The following TRIM33 variants were observed in gnomAD, a reference collection of about 807,000 sequenced individuals.
TRIM33 encodes E3 ubiquitin-protein ligase TRIM33.
Under a neutral mutation model 125.4 loss-of-function variants are expected in TRIM33, and 20 were observed. That is an observed-to-expected ratio of 0.16 (90% CI 0.11 to 0.23). The LOEUF is 0.23. Ranked by LOEUF, TRIM33 falls within the 10% of genes least tolerant of loss-of-function variation. TRIM33 has a pLI of 1.00. For synonymous variants in TRIM33, 564 were observed against 513.9 expected (o/e 1.10, Z -1.32); for missense variants, 920 against 1,411.4 (o/e 0.65, Z 5.58).
intron 1 of TRIM33, among the ~76,000 whole-genome samples, chr1:114,490,099 A>AG (rs1651965979): frequency 2.1e-5 from 3 of 143,470 alleles, no homozygotes; most frequent in African/African-American, 7.4e-5. Flanking sequence ...AAAAAAAAAA[A>AG]AAAAAGAAAA....
rs55784699 is a variant in TRIM33, at chr1:114,397,764, G to T, written c.3268C>A (p.Pro1090Thr). The stretch of plus-strand genomic sequence containing the variant: ...TCATCCTCTTCCTGCTCAAACTCTG[G>T]CAAAGGTGCGAAGGTCCTGTCTGAG... ...IYSDRTFAPLPEFEQEEDDGE... is the reference protein window; with the variant it reads ...IYSDRTFAPLTEFEQEEDDGE... Residue 1090 changes from proline to threonine, a missense_variant, in exon 20 of 20, where the codon CCA becomes ACA. Around this residue, in one of 8 missense-constraint regions of TRIM33, gnomAD observed 122 missense variants for 236.8 expected, o/e 0.52. Transcript: ENST00000358465. The T allele has an allele frequency of 2.2e-4, 361 of 1,613,674 alleles. No homozygotes were observed. Among genetic ancestry groups the T allele is most frequent in the Non-Finnish European group, 2.8e-4 (334 of 1,179,888 alleles).
chr1:114,440,349 CAAA>C (rs1171822984), intron 4 of TRIM33, among the ~76,000 whole-genome samples: 1 of 134,618 alleles, frequency 7.4e-6, no homozygotes. Context: ...AATTTTAGAC[CAAA>C]AAAAAAAAAA....
intron 1 of TRIM33, among the ~76,000 whole-genome samples, chr1:114,510,349 G>C (rs935350008): frequency 6.6e-6 from 1 of 151,944 alleles, no homozygotes; most frequent in Non-Finnish European, 1.5e-5. Flanking sequence ...TCTCGCAGCC[G>C]GCACCCCTCC....
At chr1:114,502,234 T>A (rs1652761321) in intron 1 of TRIM33, among the ~76,000 whole-genome samples, 1 of 152,230 alleles carries the variant, frequency 6.6e-6, no homozygotes, top group Admixed American at 6.5e-5. Flanking sequence ...TGCCACCTAC[T>A]ATCTTATGAT....
intron 4 of TRIM33, among the ~76,000 whole-genome samples, chr1:114,453,357 G>A (rs1348460425): frequency 4.1e-5 from 6 of 146,216 alleles, no homozygotes; most frequent in African/African-American, 1.0e-4. Flanking sequence ...GAGAGAGTCT[G>A]TCTCAGGAAA....
chr1:114,421,449 A>G lies in TRIM33; in HGVS notation c.2048T>C (p.Ile683Thr). 2 of 1,613,998 alleles carry G rather than the reference A, an allele frequency of 1.2e-6. No homozygotes were observed. The highest frequency in any genetic ancestry group is 1.7e-6 in the Non-Finnish European group (2 of 1,179,876). ...NPENLPSLPD[I>T]PPIQLEDAGS... Reference sequence around the variant, plus strand: ...TCAAATACAAACCTGTATGGGTGGAATATCTGGCAGCGATGGAAGGTTTTC... The same window carrying G: ...TCAAATACAAACCTGTATGGGTGGAGTATCTGGCAGCGATGGAAGGTTTTC... Residue 683 changes from isoleucine (I) to threonine (T), a missense_variant, in exon 11 of 20, where the codon ATT (isoleucine) becomes ACT (threonine). This residue lies in a region of TRIM33 where 407 missense variants were observed against 589.7 expected (regional missense o/e 0.69). Transcript: ENST00000358465.
rs747151448 is a variant in TRIM33, at chr1:114,463,560, A to G, written c.646-4T>C. 21 of 1,581,536 alleles carry G rather than the reference A, an allele frequency of 1.3e-5. No individual in the cohort carries two copies. The highest frequency in any genetic ancestry group is 1.8e-5 in the Non-Finnish European group (21 of 1,160,616). ...TGTCTTCACAACTAGTACATACCTA[A>G]AAGAAGAAATAAGCACTAATCTAAA... On this transcript the variant is annotated splice_region_variant and splice_polypyrimidine_tract_variant and intron_variant, in intron 2 of 19. Coordinates refer to ENST00000358465, the MANE Select transcript of TRIM33 (RefSeq NM_015906.4).
intron 8 of TRIM33, among the ~76,000 whole-genome samples, chr1:114,426,563 C>G (rs1188908386): frequency 2.7e-5 from 4 of 149,882 alleles, no homozygotes; most frequent in Admixed American, 6.6e-5. Flanking sequence ...ACAATTCCCA[C>G]TGTTTAGGAC....
At position 114,394,711 on chromosome 1, in the gene TRIM33, G is replaced by C. The variant is rs1651451847; in HGVS notation, c.*2937C>G. On this transcript the variant is annotated 3_prime_UTR_variant, in exon 20 of 20. Coordinates refer to ENST00000358465, the MANE Select transcript of TRIM33 (RefSeq NM_015906.4). The stretch of plus-strand genomic sequence containing the variant: ...AGTAATGGTTTGATGTTTCCATATA[G>C]AGCACGACCTACAATCTAACCATAC... 5.0e-6 allele frequency: 1 copy of C among 201,234 alleles called. No individual in the cohort carries two copies. The highest frequency in any genetic ancestry group is 7.6e-5 in the East Asian group (1 of 13,198). The allele number at this position is 201,234 out of a possible 1,614,324, so 12.5% of individuals were successfully genotyped here. A position where few individuals can be genotyped will look rare whatever the true frequency, so the allele number is the denominator to read the frequency against.
intron 16 of TRIM33, among the ~76,000 whole-genome samples, chr1:114,401,884 G>T (rs1651916499): frequency 1.3e-5 from 2 of 152,168 alleles, no homozygotes; most frequent in African/African-American, 4.8e-5. Context: ...GGTTCAAAAT[G>T]AAAATGGCCT....
At chr1:114,484,240 C>T (rs967472075) in intron 1 of TRIM33, among the ~76,000 whole-genome samples, 3 of 152,142 alleles carry the variant, frequency 2.0e-5, no homozygotes, top group Non-Finnish European at 4.4e-5. Flanking sequence ...AACTTACAGA[C>T]TTAAATGAGT....
At position 114,463,419 on chromosome 1, in the gene TRIM33, A is replaced by G. The variant is rs1428204458; in HGVS notation, c.783T>C (p.Asp261=). The part of the protein sequence containing the change: ...TKDHLIRKKE[D]VSESVGASGQ... ...ACAATGCATCTATCTTACCTGAGACATCTTCTTTCTTCCTGATCAAGTGAT... is the reference window on the plus strand; with the variant it reads ...ACAATGCATCTATCTTACCTGAGACGTCTTCTTTCTTCCTGATCAAGTGAT... Residue 261 remains aspartate, a synonymous_variant, in exon 3 of 20, where the codon GAT becomes GAC. Transcript: ENST00000358465. The G allele has an allele frequency of 1.9e-6, 3 of 1,612,828 alleles. No individual in the cohort carries two copies. Among genetic ancestry groups the G allele is most frequent in the Non-Finnish European group, 1.7e-6 (2 of 1,179,328 alleles).
intron 4 of TRIM33, among the ~76,000 whole-genome samples, chr1:114,447,322 A>G (rs985257870): frequency 2.6e-5 from 4 of 152,128 alleles, no homozygotes; most frequent in African/African-American, 9.7e-5. Flanking sequence ...GGATTTCCTG[A>G]TAAGTTTGGA....
chr1:114,471,694 T>A (rs1650665891), intron 1 of TRIM33, among the ~76,000 whole-genome samples: 1 of 151,868 alleles, frequency 6.6e-6, no homozygotes, highest in Non-Finnish European at 1.5e-5. Flanking sequence ...TAAACCTAAG[T>A]AAAAGTTAAA....
intron 1 of TRIM33, among the ~76,000 whole-genome samples, chr1:114,502,429 T>G (rs1361821887): frequency 6.6e-6 from 1 of 152,232 alleles, no homozygotes; most frequent in African/African-American, 2.4e-5. Flanking sequence ...ATGGATGTTT[T>G]AAATATATTT....
chr1:114,463,039 G>C, intron 4 of TRIM33, 65 bp downstream of exon 4: 2 of 1,212,898 alleles, frequency 1.6e-6, no homozygotes, highest in Non-Finnish European at 2.2e-6. Flanking sequence ...TTTGCTTTAA[G>C]AAGAAGAATG....
chr1:114,426,069 T>C (rs1004607699), intron 8 of TRIM33, among the ~76,000 whole-genome samples: 4 of 152,230 alleles, frequency 2.6e-5, no homozygotes, highest in African/African-American at 9.6e-5. Flanking sequence ...TACTCAAGGA[T>C]ACTCAAGATT....
chr1:114,426,637 T>C (rs543558492), intron 8 of TRIM33, among the ~76,000 whole-genome samples: 2 of 152,246 alleles, frequency 1.3e-5, no homozygotes, highest in Admixed American at 1.3e-4. Context: ...AGGAAGTTTG[T>C]GTGCATGTGT....
At chr1:114,420,381 A>C in intron 11 of TRIM33, 1 of 1,331,820 alleles carries the variant, frequency 7.5e-7, no homozygotes. Flanking sequence ...AGATCTAACC[A>C]CATTTTGGTC....
Sources: gnomAD v4.1 joint callset for allele counts (sites outside exome capture counted in the v4.1 genomes callset) on GRCh38, gnomAD v4.1.1 for gene constraint, gnomAD v4.1.1 regional missense constraint, MANE v1.5 for transcripts, NCBI Gene and HGNC (gene_info 2026-07-23, HGNC 2026-07-21) for gene names.